PDZD9: variants seen among roughly 807,000 people sequenced by gnomAD.
PDZD9 encodes PDZ domain-containing protein 9.
Under a neutral mutation model 16.3 loss-of-function variants are expected in PDZD9, and 13 were observed. The observed-to-expected ratio is 0.80, with a 90% confidence interval of 0.52 to 1.27. The LOEUF is 1.27. Among genes scored for constraint, PDZD9 ranks in the 50% most tolerant of loss-of-function variants. The probability of loss-of-function intolerance (pLI) is 0.00; values close to 1 mark genes in which losing one functional copy is unlikely to be tolerated. For synonymous variants in PDZD9, 120 were observed against 111.0 expected (o/e 1.08, Z -0.51); for missense variants, 288 against 310.9 (o/e 0.93, Z 0.55).
chr16:21,959,387 T>A, the PDZD9 span: 1 of 271,360 alleles, frequency 3.7e-6, no homozygotes, highest in South Asian at 3.7e-5. Flanking sequence ...AAGAAACCAC[T>A]TTGTTTGCTC....
chr16:21,989,818 A>G (rs1386145207), intron 2 of PDZD9, among the ~76,000 whole-genome samples: 1 of 152,198 alleles, frequency 6.6e-6, no homozygotes, highest in Non-Finnish European at 1.5e-5. Flanking sequence ...CATCTTGAGC[A>G]CTAACCCCCG....
intron 2 of PDZD9, 137 bp from the exon 3 acceptor site, chr16:21,988,928 CTTTTTT>C (rs60488437): frequency 4.4e-4 from 152 of 345,234 alleles, no homozygotes; most frequent in East Asian, 7.2e-4. Context: ...AGGCTTCAGC[CTTTTTT>C]TTTTTTTTTT....
intron 2 of PDZD9, among the ~76,000 whole-genome samples, chr16:21,990,819 T>G (rs992390907): frequency 1.3e-5 from 2 of 152,252 alleles, no homozygotes; most frequent in African/African-American, 4.8e-5. Context: ...TTCCTGACCG[T>G]TCTGGCTGTA....
chr16:22,001,083 C>A lies in PDZD9; in HGVS notation c.-36G>T. 1 of 1,507,264 alleles carries A rather than the reference C, an allele frequency of 6.6e-7. No homozygotes were observed. The highest frequency in any genetic ancestry group is 8.8e-7 in the Non-Finnish European group (1 of 1,132,878). 93.4% of individuals were successfully genotyped at this position (1,507,264 alleles called of 1,614,324 possible). On this transcript the variant is annotated 5_prime_UTR_variant, in exon 1 of 4. Coordinates refer to ENST00000424898, the MANE Select transcript of PDZD9 (RefSeq NM_001363519.1). ...GGTCAGGCAGCCCGGGAGGGCCTCC[C>A]GGAGCAGAGGCTGGAGTCAGTCCCA...
chr16:21,987,042 G>T (rs551465348), intron 3 of PDZD9, among the ~76,000 whole-genome samples: 30 of 152,352 alleles, frequency 2.0e-4, no homozygotes, highest in African/African-American at 7.2e-4. Flanking sequence ...ATTGGCCAAT[G>T]TGAGGATTTT....
intron 2 of PDZD9, among the ~76,000 whole-genome samples, chr16:21,990,693 TA>T (rs1449183244): frequency 1.3e-5 from 2 of 152,232 alleles, no homozygotes; most frequent in Non-Finnish European, 2.9e-5. Context: ...CGGATGAGCT[TA>T]CTTACCTAAT....
the PDZD9 span, among the ~76,000 whole-genome samples, chr16:21,960,436 G>A: frequency 6.6e-6 from 1 of 152,146 alleles, no homozygotes; most frequent in Non-Finnish European, 1.5e-5. Flanking sequence ...TGACTTAAGG[G>A]AATACAGTTT....
At chr16:21,973,875 T>TA in the PDZD9 span, 1 of 1,609,606 alleles carries the variant, frequency 6.2e-7, no homozygotes, top group African/African-American at 1.3e-5. Flanking sequence ...TATCATACAG[T>TA]AAAGTCTCAT....
At chr16:21,968,463 T>C in the PDZD9 span, 1 of 484,964 alleles carries the variant, frequency 2.1e-6, no homozygotes, top group Non-Finnish European at 3.5e-6. Flanking sequence ...ATAGTTTTTA[T>C]AATAAAATCC....
At chr16:21,978,581 C>T in the PDZD9 span, among the ~76,000 whole-genome samples, 220 of 152,308 alleles carry the variant, frequency 1.4e-3, no homozygotes, top group African/African-American at 5.0e-3. Flanking sequence ...GGAGTTGCTT[C>T]ACTAATCAAA....
In PDZD9 at chr16:22,001,068, C is replaced by G; in HGVS notation, c.-21G>C. 4.6e-6 allele frequency: 7 copies of G among 1,515,678 alleles called. No individual in the cohort carries two copies. The highest frequency in any genetic ancestry group is 6.2e-6 in the Non-Finnish European group (7 of 1,137,942). The allele number at this position is 1,515,678 out of a possible 1,614,324, so 93.9% of individuals were successfully genotyped here. A position where few individuals can be genotyped will look rare whatever the true frequency, so the allele number is the denominator to read the frequency against. ...TGCATGGTCCCGGGAGGTCAGGCAG[C>G]CCGGGAGGGCCTCCCGGAGCAGAGG... On this transcript the variant is annotated 5_prime_UTR_variant, in exon 1 of 4. Coordinates refer to ENST00000424898, the MANE Select transcript of PDZD9 (RefSeq NM_001363519.1).
chr16:21,994,220 C>G (rs1405118813), intron 2 of PDZD9, among the ~76,000 whole-genome samples: 1 of 152,080 alleles, frequency 6.6e-6, no homozygotes, highest in Non-Finnish European at 1.5e-5. Context: ...ATTATTTCAT[C>G]AAATCTGCGC....
rs750239827 is a variant in PDZD9 at position 21,988,736 on chromosome 16, T to C, written c.267A>G (p.Glu89=). The change falls in exon 3 of 4, where the codon GAA becomes GAG. Residue 89 remains glutamate (E), a synonymous_variant. Coordinates refer to ENST00000424898, the MANE Select transcript of PDZD9 (RefSeq NM_001363519.1). ...TGATATGTTGCAAAAGCTGTAAAAA[T>C]TCTCGAAGAGTATATCCTAACACAT... ...HANVLGYTLR[E]FLQLLQHITI... 12 of 1,613,670 alleles carry C rather than the reference T, an allele frequency of 7.4e-6. No individual in the cohort carries two copies. The highest frequency in any genetic ancestry group is 3.3e-5 in the Admixed American group (2 of 59,992).
At chr16:21,995,692 G>A (rs1352217405) in intron 2 of PDZD9, among the ~76,000 whole-genome samples, 4 of 152,126 alleles carry the variant, frequency 2.6e-5, no homozygotes, top group Non-Finnish European at 5.9e-5. Context: ...CCGCCTCCCG[G>A]GTTCAAGAGA....
At chr16:21,970,687 G>A in the PDZD9 span, among the ~76,000 whole-genome samples, 3 of 152,144 alleles carry the variant, frequency 2.0e-5, no homozygotes, top group Non-Finnish European at 4.4e-5. Context: ...CCAGGTTCAA[G>A]CAATTCTCCG....
At chr16:21,961,560 A>G in the PDZD9 span, 1 of 149,650 alleles carries the variant, frequency 6.7e-6, no homozygotes, top group African/African-American at 2.4e-5. Context: ...TTGGAAGGGT[A>G]CGAAAAGATC....
In PDZD9 at chr16:21,984,478, G is replaced by T. The variant is rs765940336; in HGVS notation, c.584C>A (p.Thr195Asn). ...DWHGYKKKNH[T>N]ISVGKDINCD... ...ATTAATGTCTTTTCCTACACTAATA[G>T]TATGGTTCTTCTTCTTATATCCATG... Residue 195 changes from threonine to asparagine, a missense_variant, in exon 4 of 4, where the codon ACT becomes AAT. By Grantham distance (65) the Thr-to-Asn change is moderately conservative. Transcript: ENST00000424898. The T allele has an allele frequency of 5.6e-6, 9 of 1,612,444 alleles. No individual in the cohort carries two copies. Among genetic ancestry groups the T allele is most frequent in the Non-Finnish European group, 7.6e-6 (9 of 1,178,588 alleles).
At chr16:21,967,417 T>C in the PDZD9 span, among the ~76,000 whole-genome samples, 124 of 152,202 alleles carry the variant, frequency 8.1e-4, no homozygotes, top group Non-Finnish European at 1.4e-3. Flanking sequence ...ATATTTGTAC[T>C]TTTTACATAG....
the PDZD9 span, among the ~76,000 whole-genome samples, chr16:21,963,744 C>T: frequency 1.3e-5 from 2 of 152,152 alleles, no homozygotes. Context: ...GCTGGGATTA[C>T]AGGCGTGAGC....
Sources: allele counts gnomAD v4.1 joint callset (sites outside exome capture counted in the v4.1 genomes callset), GRCh38; gene constraint gnomAD v4.1.1; transcripts MANE v1.5; gene names NCBI Gene and HGNC (gene_info 2026-07-23, HGNC 2026-07-21).